CSMD1: variants seen among roughly 807,000 people sequenced by gnomAD.
CSMD1 encodes CUB and Sushi multiple domains 1, also known as CUB and sushi domain-containing protein 1.
A neutral mutation model predicts 417.5 loss-of-function variants in CSMD1; 213 were observed. That is an observed-to-expected ratio of 0.51 (90% CI 0.46 to 0.57). The LOEUF (loss-of-function observed/expected upper bound fraction) is 0.57. Among genes scored for constraint, CSMD1 ranks in the 20% least tolerant of loss-of-function variants. The pLI is 0.00. For missense variants in CSMD1, 6,923 were observed against 4,529.7 expected (o/e 1.53, Z -15.17); for synonymous variants, 2,862 against 1,736.8 (o/e 1.65, Z -16.11).
chr8:4,691,864 A>G (rs1244264376), intron 1 of CSMD1, among the ~76,000 whole-genome samples: 3 of 152,188 alleles, frequency 2.0e-5, no homozygotes, highest in African/African-American at 7.2e-5. Flanking sequence ...ACACTTCTCA[A>G]ACACACTCCT....
chr8:4,780,054 A>C (rs1201689031), intron 1 of CSMD1, among the ~76,000 whole-genome samples: 1 of 152,176 alleles, frequency 6.6e-6, no homozygotes, highest in Non-Finnish European at 1.5e-5. Context: ...TGAGACCCTC[A>C]TGGGGCACGT....
chr8:3,312,921 C>T (rs992221736), intron 23 of CSMD1, among the ~76,000 whole-genome samples: 2 of 152,170 alleles, frequency 1.3e-5, no homozygotes, highest in African/African-American at 4.8e-5. Context: ...GCATGAAGTA[C>T]ATTTCAATTG....
chr8:4,739,071 CA>C (rs1810432954), intron 1 of CSMD1, among the ~76,000 whole-genome samples: 2 of 152,260 alleles, frequency 1.3e-5, no homozygotes, highest in South Asian at 4.1e-4. Context: ...TAAACACACA[CA>C]TGTGCACACA....
At chr8:3,034,021 T>G (rs967098939) in intron 50 of CSMD1, among the ~76,000 whole-genome samples, 1 of 152,200 alleles carries the variant, frequency 6.6e-6, no homozygotes, top group Non-Finnish European at 1.5e-5. Context: ...ACGTGGCTCC[T>G]CCAGCTGCCT....
At chr8:3,600,071 T>A (rs550661707) in intron 8 of CSMD1, among the ~76,000 whole-genome samples, 2 of 152,316 alleles carry the variant, frequency 1.3e-5, no homozygotes, top group East Asian at 3.9e-4. Flanking sequence ...TTCTGAATGC[T>A]TGCTGAACAC....
rs77236965 is a variant in CSMD1 at position 3,897,920 on chromosome 8, G to C, written c.818+99983C>G. 7.0e-3 allele frequency among the ~76,000 whole-genome samples: 1,066 copies of C among 152,268 alleles called. 17 individuals carry two copies. The highest frequency in any genetic ancestry group is 0.025 in the African/African-American group (1,022 of 41,556). ...AAGGTGGCCATGTGGATGATACAGT[G>C]TATGTTTAGATATAGTTATATAATC... On this transcript the variant is annotated intron_variant, in intron 5 of 69. Transcript: ENST00000635120.
At chr8:4,539,854 T>C (rs1797292177) in intron 2 of CSMD1, among the ~76,000 whole-genome samples, 1 of 152,214 alleles carries the variant, frequency 6.6e-6, no homozygotes, top group African/African-American at 2.4e-5. Context: ...AACTCTTTTC[T>C]GGGTCACCTT....
intron 3 of CSMD1, among the ~76,000 whole-genome samples, chr8:4,277,574 T>C (rs1204917242): frequency 6.6e-6 from 1 of 152,182 alleles, no homozygotes; most frequent in Non-Finnish European, 1.5e-5. Context: ...GCTGCATGTC[T>C]ATACTCATGA....
At chr8:4,865,753 T>G (rs1802388692) in intron 1 of CSMD1, among the ~76,000 whole-genome samples, 1 of 151,920 alleles carries the variant, frequency 6.6e-6, no homozygotes, top group Non-Finnish European at 1.5e-5. Context: ...AGAGAAAAGC[T>G]CAACCCTAGC....
chr8:3,778,131 G>C (rs61351935), intron 5 of CSMD1, among the ~76,000 whole-genome samples: 4,781 of 152,342 alleles, frequency 0.031, 279 homozygotes, highest in African/African-American at 0.11. Context: ...TTGAGACTCA[G>C]TTTGGAGTCA....
At chr8:3,050,966 T>A (rs955696688) in intron 50 of CSMD1, among the ~76,000 whole-genome samples, 1 of 152,074 alleles carries the variant, frequency 6.6e-6, no homozygotes, top group Non-Finnish European at 1.5e-5. Flanking sequence ...GGTGAGGCAG[T>A]GGAGAAAAGG....
chr8:4,837,861 T>C (rs1800594572), intron 1 of CSMD1, among the ~76,000 whole-genome samples: 1 of 152,050 alleles, frequency 6.6e-6, no homozygotes, highest in Non-Finnish European at 1.5e-5. Context: ...ACATTTCATG[T>C]ACCCCATAAA....
At chr8:4,035,623 A>G (rs939964092) in intron 3 of CSMD1, among the ~76,000 whole-genome samples, 3 of 152,248 alleles carry the variant, frequency 2.0e-5, no homozygotes, top group Admixed American at 6.5e-5. Flanking sequence ...AAGTAAGAAC[A>G]TATAAAGAAA....
chr8:3,440,171 T>C (rs183563524), intron 12 of CSMD1, among the ~76,000 whole-genome samples: 21 of 152,352 alleles, frequency 1.4e-4, no homozygotes, highest in Non-Finnish European at 2.6e-4. Flanking sequence ...TAGAATAATC[T>C]TGTTCATATC....
In CSMD1 at chr8:3,650,104, C is replaced by A. The variant is rs189215303; in HGVS notation, c.1010-33307G>T. Among the ~76,000 whole-genome samples, 62 of 152,136 alleles carry A rather than the reference C, an allele frequency of 4.1e-4. 1 individual carries two copies. The South Asian group carries it at 9.1e-3, about 22-fold the overall frequency. ...GACTAGCCTGGACAACATGGTGAAACCTTGTCTCTACTAAAAATACAAAAC... is the reference window on the plus strand; with the variant it reads ...GACTAGCCTGGACAACATGGTGAAAACTTGTCTCTACTAAAAATACAAAAC... On this transcript the variant is annotated intron_variant, in intron 7 of 69. Transcript: ENST00000635120.
At chr8:4,156,890 G>A (rs78116312) in intron 3 of CSMD1, among the ~76,000 whole-genome samples, 5 of 152,106 alleles carry the variant, frequency 3.3e-5, no homozygotes, top group African/African-American at 1.2e-4. Flanking sequence ...ACATAAAATG[G>A]AGTGCATTTT....
At chr8:3,508,775 C>T (rs1008047515) in intron 10 of CSMD1, among the ~76,000 whole-genome samples, 15 of 152,138 alleles carry the variant, frequency 9.9e-5, no homozygotes, top group Middle Eastern at 3.4e-3. Context: ...GAGGACAGAA[C>T]GCCTCCGTAA....
In CSMD1 at chr8:3,370,239, T is replaced by A. The variant is rs528823735; in HGVS notation, c.2783-869A>T. On this transcript the variant is annotated intron_variant, in intron 18 of 69. Transcript: ENST00000635120. Reference sequence around the variant, plus strand: ...GCCAACTTTCTTCTTTTATTTCATATCTTAAGACCTCTCAAGCTATCCTAT... The same window carrying A: ...GCCAACTTTCTTCTTTTATTTCATAACTTAAGACCTCTCAAGCTATCCTAT... Among the ~76,000 whole-genome samples the A allele has an allele frequency of 3.3e-5, 5 of 152,322 alleles. No individual in the cohort carries two copies. The East Asian group carries it at 9.6e-4, about 29-fold the overall frequency.
At chr8:4,305,420 G>T (rs1015699308) in intron 3 of CSMD1, among the ~76,000 whole-genome samples, 21 of 152,206 alleles carry the variant, frequency 1.4e-4, no homozygotes, top group African/African-American at 5.1e-4. Context: ...TTAAGTGAAA[G>T]GGATAATCGA....
Sources: gnomAD v4.1 joint callset for allele counts (sites outside exome capture counted in the v4.1 genomes callset) on GRCh38, gnomAD v4.1.1 for gene constraint, MANE v1.5 for transcripts, NCBI Gene and HGNC (gene_info 2026-07-23, HGNC 2026-07-21) for gene names.